The following CFAP44 variants were observed in gnomAD, a reference collection of about 807,000 sequenced individuals.
CFAP44 encodes cilia and flagella associated protein 44.
In CFAP44, 134 loss-of-function variants were observed where a neutral mutation model predicts 216.2. The observed-to-expected ratio is 0.62, with a 90% CI of 0.54 to 0.72. The LOEUF (loss-of-function observed/expected upper bound fraction) is 0.72. Ranked by LOEUF, CFAP44 falls within the 30% of genes least tolerant of loss-of-function variation. The pLI is 0.00. For missense variants in CFAP44, 2,035 were observed against 2,182.1 expected (o/e 0.93, Z 1.34); for synonymous variants, 700 against 727.6 (o/e 0.96, Z 0.61).
intron 33 of CFAP44, 56 bp downstream of exon 33, chr3:113,296,669 G>C (rs552014961): frequency 6.6e-7 from 1 of 1,517,654 alleles, no homozygotes; most frequent in East Asian, 2.5e-5. Context: ...CTGCTCCCTG[G>C]GATTTCTTGC....
At chr3:113,395,515 A>T (rs572510654) in intron 15 of CFAP44, among the ~76,000 whole-genome samples, 5 of 152,312 alleles carry the variant, frequency 3.3e-5, no homozygotes, top group African/African-American at 1.2e-4. Context: ...ATCATGGTCA[A>T]CTAATAAGCC....
intron 2 of CFAP44, 107 bp downstream of exon 2, chr3:113,433,458 A>AAAAAAAAAAAAAAAAAAATT: frequency 3.4e-6 from 1 of 295,860 alleles, no homozygotes; most frequent in Non-Finnish European, 6.2e-6. Context: ...AAAAAAAAAG[A>AAAAAAAAAAAAAAAAAAATT]TCTATTTTAT....
At chr3:113,315,174 C>T (rs1011611389) in intron 28 of CFAP44, among the ~76,000 whole-genome samples, 1 of 151,578 alleles carries the variant, frequency 6.6e-6, no homozygotes, top group African/African-American at 2.4e-5. Flanking sequence ...CAATCATACG[C>T]TGACTACCAG....
At position 113,287,038 on chromosome 3, in the gene CFAP44, AC is replaced by A. The variant is rs1445612256; in HGVS notation, c.*4518del. ...ATTCTGGAGAGACATAAGGAGTCCT[AC>A]CCGTTGAGGTTGGAGAGGGAAAATA... On this transcript the variant is annotated 3_prime_UTR_variant, in exon 35 of 35. Transcript: ENST00000393845. 2.6e-5 allele frequency: 20 copies of A among 782,086 alleles called. No homozygotes were observed. Among genetic ancestry groups the A allele is most frequent in the Non-Finnish European group, 3.6e-5 (17 of 478,740 alleles). The allele number at this position is 782,086 out of a possible 1,614,324, so 48.4% of individuals were successfully genotyped here.
chr3:113,302,457 TAAAA>T (rs60866565), intron 32 of CFAP44, among the ~76,000 whole-genome samples: 4 of 75,812 alleles, frequency 5.3e-5, no homozygotes, highest in African/African-American at 8.6e-5. Context: ...CTAGACAAAG[TAAAA>T]AAAAAAAAAA....
chr3:113,406,566 G>A (rs1934285821), intron 8 of CFAP44, among the ~76,000 whole-genome samples: 1 of 151,852 alleles, frequency 6.6e-6, no homozygotes, highest in Middle Eastern at 3.4e-3. Context: ...AGAGCTTGCA[G>A]TGAGCGGAGA....
chr3:113,412,088 C>T (rs1934494394), intron 6 of CFAP44, among the ~76,000 whole-genome samples: 1 of 152,152 alleles, frequency 6.6e-6, no homozygotes, highest in East Asian at 1.9e-4. Context: ...GAAGCATTCC[C>T]TTTGAAAACT....
rs143653499 is a variant in CFAP44, at chr3:113,287,249, G to A, written c.*4308C>T. 2.0e-5 allele frequency: 7 copies of A among 351,778 alleles called. No homozygotes were observed. The East Asian group carries it at 5.3e-4, about 27-fold the overall frequency. The allele number at this position is 351,778 out of a possible 1,614,324, so 21.8% of individuals were successfully genotyped here. A position where few individuals can be genotyped will look rare whatever the true frequency, so the allele number is the denominator to read the frequency against. ...GCATGAGGGAACAGCAAGGGGCACG[G>A]TATCACAGCCTGGAGACACCCACAC... is the stretch of plus-strand genomic sequence containing the variant. On this transcript the variant is annotated 3_prime_UTR_variant, in exon 35 of 35. Transcript: ENST00000393845.
intron 22 of CFAP44, among the ~76,000 whole-genome samples, chr3:113,358,294 G>GT (rs980469613): frequency 6.6e-6 from 1 of 151,654 alleles, no homozygotes; most frequent in Non-Finnish European, 1.5e-5. Context: ...TAAGATTTAC[G>GT]TATTTTATGT....
Position 113,379,466 on chromosome 3 carries a change from T to C in CFAP44, c.2138A>G (p.Glu713Gly). Residue 713 changes from glutamate to glycine, a missense_variant, in exon 17 of 35, where the codon GAG (glutamate) becomes GGG (glycine). Physicochemically the swap from Glu to Gly is moderately conservative, Grantham distance 98. Transcript: ENST00000393845. The stretch of plus-strand genomic sequence containing the variant: ...TTCTTTTTCTCCATCTTCTCCCATC[T>C]CTGCTGCTAGCTTGTTCCTCCTTTC... ...REERRNKLAA[E>G]MGEDGEKEFQ... 1 of 1,611,206 alleles carries C rather than the reference T, an allele frequency of 6.2e-7. No homozygotes were observed. The highest frequency in any genetic ancestry group is 1.7e-5 in the Admixed American group (1 of 60,008).
chr3:113,367,802 G>C (rs1230698467), intron 18 of CFAP44, among the ~76,000 whole-genome samples: 1 of 152,104 alleles, frequency 6.6e-6, no homozygotes. Context: ...AGCTAAAGGA[G>C]CATGTTCTAA....
rs1934408648 is a variant in CFAP44, at chr3:113,409,987, A to G, written c.674-665T>C. ...AAGGGAGGAACCCTAAGTTCCAGGAATTGCCCACCCGTTTCCTGTCCGGAA... is the reference window on the plus strand; with the variant it reads ...AAGGGAGGAACCCTAAGTTCCAGGAGTTGCCCACCCGTTTCCTGTCCGGAA... On this transcript the variant is annotated intron_variant, in intron 6 of 34. Transcript: ENST00000393845. Among the ~76,000 whole-genome samples the G allele has an allele frequency of 3.3e-5, 5 of 152,234 alleles. No individual in the cohort carries two copies. The South Asian group carries it at 1.0e-3, about 32-fold the overall frequency.
intron 24 of CFAP44, among the ~76,000 whole-genome samples, chr3:113,339,397 C>A (rs1158994244): frequency 6.6e-6 from 1 of 152,320 alleles, no homozygotes; most frequent in East Asian, 1.9e-4. Context: ...TAGCATCCTC[C>A]TTTCACTTTC....
rs372013535 is a variant in CFAP44, at chr3:113,327,394, T to C, written c.4320+222A>G. ...AATTTTATTCTTCTACCTTACAGAA[T>C]ATCAGACCAAATTTACTAAAAAATC... On this transcript the variant is annotated intron_variant, in intron 27 of 34. Coordinates refer to ENST00000393845, the MANE Select transcript of CFAP44 (RefSeq NM_001164496.2). Among the ~76,000 whole-genome samples the C allele has an allele frequency of 4.0e-5, 6 of 150,820 alleles. No homozygotes were observed. The East Asian group carries it at 7.7e-4, about 19-fold the overall frequency.
intron 22 of CFAP44, among the ~76,000 whole-genome samples, chr3:113,346,774 A>G (rs367922743): frequency 2.0e-5 from 3 of 152,234 alleles, no homozygotes; most frequent in Admixed American, 1.3e-4. Flanking sequence ...TCAGCAGGAA[A>G]TGGGCAGGGA....
At chr3:113,430,655 A>G (rs1049884286) in intron 2 of CFAP44, among the ~76,000 whole-genome samples, 3 of 152,154 alleles carry the variant, frequency 2.0e-5, no homozygotes, top group Admixed American at 6.5e-5. Context: ...TGCAAAACTT[A>G]GTAAAGAAGA....
intron 9 of CFAP44, among the ~76,000 whole-genome samples, chr3:113,402,443 G>A (rs1389533110): frequency 6.6e-6 from 1 of 152,194 alleles, no homozygotes; most frequent in Admixed American, 6.5e-5. Context: ...ACCTCACGGT[G>A]GCAGGGAGGC....
chr3:113,429,095 T>C (rs543114891), intron 2 of CFAP44: 2 of 152,216 alleles, frequency 1.3e-5, no homozygotes, highest in African/African-American at 4.8e-5. Context: ...TTATAAGAAC[T>C]AAATTATAAT....
rs1482584454 is a variant in CFAP44 at position 113,344,680 on chromosome 3, A to G, written c.3098T>C (p.Val1033Ala). The G allele has an allele frequency of 6.6e-7, 1 of 1,520,176 alleles. No individual in the cohort carries two copies. Among genetic ancestry groups the G allele is most frequent in the Non-Finnish European group, 8.8e-7 (1 of 1,141,720 alleles). 94.2% of individuals were successfully genotyped at this position (1,520,176 alleles called of 1,614,324 possible). Residue 1033 changes from valine (V) to alanine (A), a missense_variant, in exon 23 of 35, where the codon GTG becomes GCG. By Grantham distance (64) the Val-to-Ala change is moderately conservative. This residue lies in a region of CFAP44 where 1,883 missense variants were observed against 2,023.7 expected (regional missense o/e 0.93). Coordinates refer to ENST00000393845, the MANE Select transcript of CFAP44 (RefSeq NM_001164496.2). ...FRDPLESDTIVVHAILSDHKI... is the reference protein window; with the variant it reads ...FRDPLESDTIAVHAILSDHKI... Reference sequence around the variant, plus strand: ...GTGGTCACTCAGTATGGCATGAACCACAATAGTATCACTTTCCAGTGGATC... The same window carrying G: ...GTGGTCACTCAGTATGGCATGAACCGCAATAGTATCACTTTCCAGTGGATC...
Sources: allele counts gnomAD v4.1 joint callset (sites outside exome capture counted in the v4.1 genomes callset), GRCh38; gene constraint gnomAD v4.1.1; regional missense constraint gnomAD v4.1.1; transcripts MANE v1.5; gene names NCBI Gene and HGNC (gene_info 2026-07-23, HGNC 2026-07-21).